GBF1: variants seen among roughly 807,000 people sequenced by gnomAD.
GBF1 encodes golgi brefeldin A resistant guanine nucleotide exchange factor 1.
A neutral mutation model predicts 210.5 loss-of-function variants in GBF1; 114 were observed. That is an observed-to-expected ratio of 0.54 (90% CI 0.47 to 0.63). The LOEUF (loss-of-function observed/expected upper bound fraction) is 0.63. Ranked by LOEUF, GBF1 falls within the 30% of genes least tolerant of loss-of-function variation. GBF1 has a pLI of 0.00. For missense variants in GBF1, 1,851 were observed against 2,357.7 expected (o/e 0.79, Z 4.45); for synonymous variants, 850 against 889.2 (o/e 0.96, Z 0.78).
chr10:102,315,242 AC>A (rs1479245554), intron 3 of GBF1, among the ~76,000 whole-genome samples: 10 of 152,064 alleles, frequency 6.6e-5, no homozygotes, highest in Non-Finnish European at 1.0e-4. Context: ...GGGGTCCCCA[AC>A]CCCCTGGCCA....
the GBF1 span, among the ~76,000 whole-genome samples, chr10:102,238,125 C>A: frequency 6.6e-6 from 1 of 152,160 alleles, no homozygotes; most frequent in Admixed American, 6.5e-5. Context: ...TCTCTGTCTT[C>A]CCCCAACTCT....
At chr10:102,355,540 C>T (rs558214034) in intron 8 of GBF1, among the ~76,000 whole-genome samples, 3 of 152,190 alleles carry the variant, frequency 2.0e-5, no homozygotes, top group Non-Finnish European at 4.4e-5. Context: ...CTGAGGCATT[C>T]GTGAGAACTG....
At chr10:102,332,223 T>C (rs780539525) in intron 3 of GBF1, among the ~76,000 whole-genome samples, 3 of 152,144 alleles carry the variant, frequency 2.0e-5, no homozygotes, top group Non-Finnish European at 2.9e-5. Context: ...AAATACTATG[T>C]AAATAGTTAT....
intron 8 of GBF1, among the ~76,000 whole-genome samples, chr10:102,355,143 G>T (rs2059219386): frequency 6.6e-6 from 1 of 152,148 alleles, no homozygotes; most frequent in Non-Finnish European, 1.5e-5. Flanking sequence ...GGAAGAAAGG[G>T]GAGAGAAGGA....
intron 3 of GBF1, among the ~76,000 whole-genome samples, chr10:102,293,764 GTTTTGTGTTTTTTTT>G (rs1396286744): frequency 0.014 from 697 of 50,934 alleles, 88 homozygotes; most frequent in East Asian, 0.13. Flanking sequence ...GCTGTAGTAT[GTTTTGTGTTTTTTTT>G]TTTTTTTTTT....
Position 102,380,618 on chromosome 10 carries a change from C to T in GBF1, c.5105C>T (p.Thr1702Ile). The change falls in exon 38 of 40, where the codon ACC (threonine) becomes ATC (isoleucine). Residue 1702 changes from threonine to isoleucine, a missense_variant. Thr to Ile is a moderately conservative substitution (Grantham distance 89). This residue lies in a region of GBF1 where 967 missense variants were observed against 1,247.7 expected (regional missense o/e 0.78). Coordinates refer to ENST00000369983, the MANE Select transcript of GBF1 (RefSeq NM_001377137.1). ...GGCCCCTCGGCCCTCTGGGAGATCA[C>T]CTGGGAACGCATTGACTGTTTTCTC... ...GGGPSALWEI[T>I]WERIDCFLPH... 1 of 1,614,102 alleles carries T rather than the reference C, an allele frequency of 6.2e-7. No homozygotes were observed.
At position 102,351,214 on chromosome 10, in the gene GBF1, T is replaced by C. The variant is rs1232511181; in HGVS notation, c.296-42T>C. On this transcript the variant is annotated intron_variant, in intron 4 of 39. Coordinates refer to ENST00000369983, the MANE Select transcript of GBF1 (RefSeq NM_001377137.1). ...CAGGCTGCCTTACCTTTTATCTCTCTCCTCTCCACATCACTTAATCTTTCC... is the reference window on the plus strand; with the variant it reads ...CAGGCTGCCTTACCTTTTATCTCTCCCCTCTCCACATCACTTAATCTTTCC... 5 of 1,089,294 alleles carry C rather than the reference T, an allele frequency of 4.6e-6. No homozygotes were observed. The Admixed American group carries it at 8.5e-5, about 18-fold the overall frequency. 67.5% of individuals were successfully genotyped at this position (1,089,294 alleles called of 1,614,324 possible). A position where few individuals can be genotyped will look rare whatever the true frequency, so the allele number is the denominator to read the frequency against.
At chr10:102,355,068 GT>G (rs2059214531) in intron 8 of GBF1, among the ~76,000 whole-genome samples, 1 of 152,120 alleles carries the variant, frequency 6.6e-6, no homozygotes, top group African/African-American at 2.4e-5. Flanking sequence ...AAAAGTCAAG[GT>G]ATAGGGGAGC....
intron 1 of GBF1, among the ~76,000 whole-genome samples, chr10:102,256,582 T>C (rs986209743): frequency 6.6e-6 from 1 of 150,388 alleles, no homozygotes; most frequent in Non-Finnish European, 1.5e-5. Flanking sequence ...TACAGTGGCA[T>C]GATCTCGGCT....
At chr10:102,365,261 G>A (rs1589792517) in intron 17 of GBF1, 136 bp from the exon 18 acceptor site, 2 of 653,386 alleles carry the variant, frequency 3.1e-6, no homozygotes, top group East Asian at 5.4e-5. Context: ...TCTAGCCTTA[G>A]TTCTGTAATC....
chr10:102,268,874 A>G (rs1017044325), intron 3 of GBF1, among the ~76,000 whole-genome samples: 1 of 152,194 alleles, frequency 6.6e-6, no homozygotes, highest in Non-Finnish European at 1.5e-5. Flanking sequence ...CTGTTAGAAG[A>G]TGGAGTTGGC....
chr10:102,374,992 G>A (rs1028298100), intron 29 of GBF1, among the ~76,000 whole-genome samples: 9 of 151,596 alleles, frequency 5.9e-5, no homozygotes, highest in East Asian at 5.8e-4. Flanking sequence ...GCAACATAGC[G>A]AGACCCCATC....
chr10:102,290,411 A>C (rs1387022888), intron 3 of GBF1, among the ~76,000 whole-genome samples: 5 of 152,114 alleles, frequency 3.3e-5, no homozygotes, highest in Non-Finnish European at 5.9e-5. Context: ...TAGATTAACT[A>C]TCCTTTTTAA....
intron 3 of GBF1, among the ~76,000 whole-genome samples, chr10:102,339,421 C>T (rs1220138543): frequency 6.6e-6 from 1 of 151,312 alleles, no homozygotes; most frequent in Admixed American, 6.6e-5. Flanking sequence ...AATGCCAGCA[C>T]TTTGGGAGGC....
chr10:102,292,522 C>G (rs1354634699), intron 3 of GBF1, among the ~76,000 whole-genome samples: 1 of 152,100 alleles, frequency 6.6e-6, no homozygotes, highest in Non-Finnish European at 1.5e-5. Flanking sequence ...TGCCACCATT[C>G]TCGGCTACTT....
At chr10:102,325,817 T>C (rs1383435346) in intron 3 of GBF1, among the ~76,000 whole-genome samples, 2 of 151,988 alleles carry the variant, frequency 1.3e-5, no homozygotes, top group African/African-American at 4.8e-5. Flanking sequence ...ACCTAACTAA[T>C]TTTTGTATTT....
chr10:102,363,620 C>A lies in GBF1; in HGVS notation c.2018-90C>A. ...AGATTTCTGAGGCTCCTTCTTGAAA[C>A]TGGGGAGTATATTGGTGACCTTCCA... On this transcript the variant is annotated intron_variant, in intron 16 of 39. Transcript: ENST00000369983. The surrounding 1 kb of genome is among the most constrained non-coding windows in gnomAD (Gnocchi z 4.2). The A allele has an allele frequency of 2.3e-6, 2 of 888,484 alleles. No homozygotes were observed. The highest frequency in any genetic ancestry group is 1.4e-5 in the South Asian group (1 of 69,732). 55.0% of individuals were successfully genotyped at this position (888,484 alleles called of 1,614,324 possible). A position where few individuals can be genotyped will look rare whatever the true frequency, so the allele number is the denominator to read the frequency against.
At chr10:102,351,168 A>T in intron 4 of GBF1, 88 bp from the exon 5 acceptor site, 1 of 771,898 alleles carries the variant, frequency 1.3e-6, no homozygotes, top group African/African-American at 1.7e-5. Context: ...TGAAGAGGAA[A>T]AACTGTCTCT....
At chr10:102,305,173 ATTTG>A (rs766585152) in intron 3 of GBF1, among the ~76,000 whole-genome samples, 3 of 114,172 alleles carry the variant, frequency 2.6e-5, no homozygotes, top group East Asian at 5.3e-4. Flanking sequence ...TTATATGCAG[ATTTG>A]TGTGTGTGTG....
Sources: gnomAD v4.1 joint callset for allele counts (sites outside exome capture counted in the v4.1 genomes callset) on GRCh38, gnomAD v4.1.1 for gene constraint, gnomAD v4.1.1 regional missense constraint, Gnocchi (gnomAD v3.1) non-coding constraint, MANE v1.5 for transcripts, NCBI Gene and HGNC (gene_info 2026-07-23, HGNC 2026-07-21) for gene names.